Variants in SMG6 observed in about 807,000 individuals in gnomAD.
The protein encoded by SMG6 is SMG6 nonsense mediated mRNA decay factor.
Under a neutral mutation model 142.2 loss-of-function variants are expected in SMG6, and 66 were observed. That is an observed-to-expected ratio of 0.46 (90% CI 0.38 to 0.57). The LOEUF (loss-of-function observed/expected upper bound fraction) is 0.57. Among genes scored for constraint, SMG6 ranks in the 20% least tolerant of loss-of-function variants. The pLI is 0.00. For synonymous variants in SMG6, 779 were observed against 702.4 expected (o/e 1.11, Z -1.72); for missense variants, 1,793 against 1,832.0 (o/e 0.98, Z 0.39).
rs1383288918 is a variant in SMG6 at position 2,127,814 on chromosome 17, C to T, written c.3358-41913G>A. 6 of 549,582 alleles carry T rather than the reference C, an allele frequency of 1.1e-5. No individual in the cohort carries two copies. The East Asian group carries it at 1.9e-4, about 18-fold the overall frequency. 34.0% of individuals were successfully genotyped at this position (549,582 alleles called of 1,614,324 possible). On this transcript the variant is annotated intron_variant, in intron 13 of 18. Transcript: ENST00000263073. ...TCACTCTTCTCCAAAGTAATCATAT[C>T]GTTTTTCACATTCACAGTCTGAGAC...
chr17:2,293,129 C>CA (rs1196477018), intron 4 of SMG6, 152 bp from the exon 5 acceptor site: 7 of 601,332 alleles, frequency 1.2e-5, no homozygotes, highest in Admixed American at 5.8e-5. Flanking sequence ...ACCTGACTAC[C>CA]AAAAAAACAC....
In SMG6 at chr17:2,134,236, G is replaced by T. The variant is rs557108339; in HGVS notation, c.3357+38422C>A. ...AGTTCGAGACCAGCCTGTCCAATAC[G>T]GTGAAACCCCATCTCTACTAAAAAT... On this transcript the variant is annotated intron_variant, in intron 13 of 18. Coordinates refer to ENST00000263073, the MANE Select transcript of SMG6 (RefSeq NM_017575.5). Among the ~76,000 whole-genome samples the T allele has an allele frequency of 7.9e-3, 1,198 of 151,684 alleles. 9 individuals carry two copies. Among genetic ancestry groups the T allele is most frequent in the Non-Finnish European group, 0.012 (791 of 67,910 alleles).
At chr17:2,166,011 A>AG (rs1206264914) in intron 13 of SMG6, among the ~76,000 whole-genome samples, 1 of 152,204 alleles carries the variant, frequency 6.6e-6, no homozygotes, top group Non-Finnish European at 1.5e-5. Flanking sequence ...CAGGAGTCTG[A>AG]GACCAGCCTG....
intron 8 of SMG6, among the ~76,000 whole-genome samples, chr17:2,260,320 CT>C (rs61082486): frequency 9.1e-4 from 138 of 152,316 alleles, no homozygotes; most frequent in African/African-American, 3.0e-3. Flanking sequence ...CATGATGTCA[CT>C]TTCCCCCCCC....
At chr17:2,190,204 C>A (rs2072116703) in intron 10 of SMG6, among the ~76,000 whole-genome samples, 1 of 152,152 alleles carries the variant, frequency 6.6e-6, no homozygotes, top group Non-Finnish European at 1.5e-5. Flanking sequence ...CGGACAACAT[C>A]CTGCCTCTAA....
Position 2,085,148 on chromosome 17 carries a change from G to GCA in SMG6, c.3534+575_3534+576dup, listed in dbSNP as rs151180741. On this transcript the variant is annotated intron_variant, in intron 14 of 18. Coordinates refer to ENST00000263073, the MANE Select transcript of SMG6 (RefSeq NM_017575.5). The surrounding 1 kb of genome is among the most constrained non-coding windows in gnomAD (Gnocchi z 4.1). ...CGTGCGCACACACACACACAGACGCGCACACACACACACAGACACACACAC... is the reference window on the plus strand; with the variant it reads ...CGTGCGCACACACACACACAGACGCGCACACACACACACACAGACACACACAC... Among the ~76,000 whole-genome samples, 6 of 151,430 alleles carry GCA rather than the reference G, an allele frequency of 4.0e-5. No homozygotes were observed. The highest frequency in any genetic ancestry group is 2.1e-4 in the South Asian group (1 of 4,778).
intron 9 of SMG6, among the ~76,000 whole-genome samples, chr17:2,243,188 T>G (rs1003391001): frequency 6.6e-6 from 1 of 152,224 alleles, no homozygotes; most frequent in South Asian, 2.1e-4. Context: ...CCAAGTCATT[T>G]TGAAATCCAA....
intron 10 of SMG6, among the ~76,000 whole-genome samples, chr17:2,234,553 G>A (rs879019599): frequency 3.3e-5 from 5 of 152,100 alleles, no homozygotes; most frequent in Non-Finnish European, 5.9e-5. Flanking sequence ...GTGAGCCACC[G>A]CACCCGGCCT....
chr17:2,186,857 GGCCTATGTCTGCTGTAGCCCCCGAGTGA>G (rs2072004502), intron 11 of SMG6, 26 bp from the exon 12 acceptor site: 3 of 1,610,966 alleles, frequency 1.9e-6, no homozygotes, highest in Non-Finnish European at 2.5e-6. Context: ...GTGAGAACTG[GGCCTATGTCTGCTGTAGCCCCCGAGTGA>G]GGCCTGGGGC....
chr17:2,171,996 C>T (rs2071517844), intron 13 of SMG6, among the ~76,000 whole-genome samples: 1 of 152,148 alleles, frequency 6.6e-6, no homozygotes, highest in African/African-American at 2.4e-5. Context: ...TGGACTACCC[C>T]TACTCTTTAC....
chr17:2,236,530 G>A lies in SMG6; in HGVS notation c.2831C>T (p.Thr944Ile), dbSNP rs1172548390. ...GTTGTGTACTGCAAACATATTGATG[G>A]TCATAAGCTGCAGCATGCGGGTACT... ...IGSTRMLQLM[T>I]INMFAVHNSQ... Residue 944 changes from threonine to isoleucine, a missense_variant, in exon 10 of 19, where the codon ACC becomes ATC. Around this residue, in one of 3 missense-constraint regions of SMG6, gnomAD observed 1,597 missense variants for 1,584.6 expected, o/e 1.01. Coordinates refer to ENST00000263073, the MANE Select transcript of SMG6 (RefSeq NM_017575.5). 6.2e-7 allele frequency: 1 copy of A among 1,613,350 alleles called. No homozygotes were observed. The highest frequency in any genetic ancestry group is 8.5e-7 in the Non-Finnish European group (1 of 1,179,706).
intron 10 of SMG6, chr17:2,229,285 G>C (rs570274156): frequency 6.6e-6 from 1 of 152,178 alleles, no homozygotes; most frequent in East Asian, 1.9e-4. Context: ...TGAGTGTCAC[G>C]CCACTCAGAG....
intron 13 of SMG6, among the ~76,000 whole-genome samples, chr17:2,159,348 T>G (rs2071104469): frequency 6.6e-6 from 1 of 152,128 alleles, no homozygotes; most frequent in Non-Finnish European, 1.5e-5. Flanking sequence ...GAGAATTGCT[T>G]TAACCCAGGA....
chr17:2,156,145 T>C (rs2070995241), intron 13 of SMG6, among the ~76,000 whole-genome samples: 1 of 150,728 alleles, frequency 6.6e-6, no homozygotes, highest in South Asian at 2.1e-4. Flanking sequence ...ATCCCAGCAC[T>C]TCGGGAAGCT....
intron 10 of SMG6, among the ~76,000 whole-genome samples, chr17:2,234,419 G>A (rs1333120074): frequency 6.6e-6 from 1 of 151,474 alleles, no homozygotes; most frequent in Non-Finnish European, 1.5e-5. Context: ...CCACCACCAA[G>A]CGCAGCTAAT....
At chr17:2,108,267 T>C (rs948436504) in intron 13 of SMG6, among the ~76,000 whole-genome samples, 1 of 152,188 alleles carries the variant, frequency 6.6e-6, no homozygotes, top group Admixed American at 6.5e-5. Flanking sequence ...TGGAGTCTTC[T>C]TAGCCACTCT....
intron 13 of SMG6, among the ~76,000 whole-genome samples, chr17:2,090,499 C>T (rs955257122): frequency 2.6e-5 from 4 of 152,170 alleles, no homozygotes; most frequent in African/African-American, 9.7e-5. Flanking sequence ...AGAGCCAGGA[C>T]CCTGGATGCA....
chr17:2,207,046 C>T (rs2072703684), intron 10 of SMG6, among the ~76,000 whole-genome samples: 1 of 144,270 alleles, frequency 6.9e-6, no homozygotes, highest in African/African-American at 2.6e-5. Flanking sequence ...CCGGGGCAGG[C>T]AGATCACTTG....
At chr17:2,101,742 C>T (rs1405501951) in intron 13 of SMG6, 1 of 152,188 alleles carries the variant, frequency 6.6e-6, no homozygotes, top group Non-Finnish European at 1.5e-5. Context: ...AACTCGTGAT[C>T]CCCACAACCT....
Sources: allele counts gnomAD v4.1 joint callset (sites outside exome capture counted in the v4.1 genomes callset), GRCh38; gene constraint gnomAD v4.1.1; regional missense constraint gnomAD v4.1.1; non-coding constraint Gnocchi (gnomAD v3.1); transcripts MANE v1.5; gene names NCBI Gene and HGNC (gene_info 2026-07-23, HGNC 2026-07-21).